The following CNRIP1 variants were observed in gnomAD, a reference collection of about 807,000 sequenced individuals.
CNRIP1 encodes cannabinoid receptor interacting protein 1.
In CNRIP1, 10 loss-of-function variants were observed where a neutral mutation model predicts 15.2. The ratio of observed to expected loss-of-function variants is 0.66; its 90% CI spans 0.41 to 1.12. CNRIP1 has a LOEUF of 1.12. Among genes scored for constraint, CNRIP1 ranks in the 50% most tolerant of loss-of-function variants. The pLI is 0.00. For synonymous variants in CNRIP1, 91 were observed against 83.2 expected, an observed-to-expected ratio of 1.09 and a Z score of -0.51; for missense variants, 211 against 214.7, an observed-to-expected ratio of 0.98 and a Z score of 0.11.
At chr2:68,305,336 ATATT>A (rs1006321652) in intron 2 of CNRIP1, among the ~76,000 whole-genome samples, 2 of 148,360 alleles carry the variant, frequency 1.3e-5, no homozygotes, top group Non-Finnish European at 3.0e-5. Context: ...TATATAATAT[ATATT>A]TAAATATATA....
At chr2:68,307,665 G>A (rs60078350) in intron 2 of CNRIP1, among the ~76,000 whole-genome samples, 2,480 of 152,104 alleles carry the variant, frequency 0.016, 77 homozygotes, top group African/African-American at 0.055. Flanking sequence ...GACTCTTATC[G>A]TGATGTATCA....
intron 2 of CNRIP1, among the ~76,000 whole-genome samples, chr2:68,305,244 C>CAAAAA (rs60243249): frequency 1.7e-4 from 16 of 91,628 alleles, no homozygotes; most frequent in African/African-American, 4.7e-4. Context: ...AACTCCGTCT[C>CAAAAA]AAAAAAAAAA....
chr2:68,305,312 G>A (rs566995742), intron 2 of CNRIP1, among the ~76,000 whole-genome samples: 1,880 of 129,006 alleles, frequency 0.015, 75 homozygotes, highest in African/African-American at 0.051. Flanking sequence ...GTGTGTGTGT[G>A]TACATATAAA....
rs1040033466 is a variant in CNRIP1, at chr2:68,294,102, G to A, written c.331-76C>T. 3.5e-6 allele frequency: 5 copies of A among 1,446,850 alleles called. No individual in the cohort carries two copies. In the African/African-American group the frequency reaches 5.6e-5, roughly 16 times the overall value. 89.6% of individuals were successfully genotyped at this position (1,446,850 alleles called of 1,614,324 possible). A position where few individuals can be genotyped will look rare whatever the true frequency, so the allele number is the denominator to read the frequency against. On this transcript the variant is annotated intron_variant, in intron 2 of 2. Coordinates refer to ENST00000263655, the MANE Select transcript of CNRIP1 (RefSeq NM_015463.3). ...ATAGATGAGAGCTAACATTAGTGATGTAGCTCCTGGATAATCAAGCAGACC... is the reference window on the plus strand; with the variant it reads ...ATAGATGAGAGCTAACATTAGTGATATAGCTCCTGGATAATCAAGCAGACC...
At position 68,319,335 on chromosome 2, in the gene CNRIP1, C is replaced by T. The variant is rs146143980; in HGVS notation, c.66G>A (p.Pro22=). ...IALRIQPNDG[P]VFYKVDGQRF... The stretch of plus-strand genomic sequence containing the variant: ...GCTGCCCGTCCACCTTGTAAAAGAC[C>T]GGGCCGTCATTAGGCTGGATGCGCA... The change falls in exon 1 of 3, where the codon CCG becomes CCA. Residue 22 remains proline (P), a synonymous_variant. Transcript: ENST00000263655. 4.5e-6 allele frequency: 7 copies of T among 1,572,032 alleles called. No individual in the cohort carries two copies. Among genetic ancestry groups the T allele is most frequent in the African/African-American group, 1.3e-5 (1 of 74,106 alleles).
intron 2 of CNRIP1, among the ~76,000 whole-genome samples, chr2:68,304,750 A>G (rs1209757387): frequency 6.6e-6 from 1 of 152,024 alleles, no homozygotes; most frequent in Non-Finnish European, 1.5e-5. Flanking sequence ...CCTCCCAAGT[A>G]GCTGGGACTA....
chr2:68,300,786 GAA>G (rs1671577590), intron 2 of CNRIP1, among the ~76,000 whole-genome samples: 1 of 152,064 alleles, frequency 6.6e-6, no homozygotes, highest in South Asian at 2.1e-4. Context: ...TATTAGGAAT[GAA>G]AAAGAGGACA....
chr2:68,316,104 T>C (rs901043524), intron 2 of CNRIP1: 1 of 152,080 alleles, frequency 6.6e-6, no homozygotes, highest in African/African-American at 2.4e-5. Context: ...TATGTGACTA[T>C]TGTGGTTTTA....
At chr2:68,299,194 T>C (rs1671506478) in intron 2 of CNRIP1, among the ~76,000 whole-genome samples, 1 of 152,214 alleles carries the variant, frequency 6.6e-6, no homozygotes, top group South Asian at 2.1e-4. Flanking sequence ...GAGCTATTTA[T>C]CACTGTACAA....
intron 2 of CNRIP1, among the ~76,000 whole-genome samples, chr2:68,305,577 C>T (rs6730660): frequency 0.4 from 61,074 of 150,886 alleles, 12,808 homozygotes; most frequent in Non-Finnish European, 0.45. Context: ...GGGCAGTTCA[C>T]GAGGTCAGGA....
In CNRIP1 at chr2:68,300,903, T is replaced by C. The variant is rs1671581613; in HGVS notation, c.331-6877A>G. ...AAGACACAAACTATGAGTTGACATC[T>C]ACCTAATGAGGAAATTGAATTTGTA... On this transcript the variant is annotated intron_variant, in intron 2 of 2. Coordinates refer to ENST00000263655, the MANE Select transcript of CNRIP1 (RefSeq NM_015463.3). Among the ~76,000 whole-genome samples the C allele has an allele frequency of 3.3e-5, 5 of 152,328 alleles. No individual in the cohort carries two copies. In the South Asian group the frequency reaches 1.0e-3, roughly 32 times the overall value.
At chr2:68,299,484 A>G (rs143933004) in intron 2 of CNRIP1, among the ~76,000 whole-genome samples, 1 of 152,274 alleles carries the variant, frequency 6.6e-6, no homozygotes, top group East Asian at 1.9e-4. Context: ...CTTCTGCCGT[A>G]TGAGGATACA....
rs565003179 is a variant in CNRIP1, at chr2:68,297,582, A to G, written c.331-3556T>C. ...GACACTGTCTCAAAAAAAAAAAAAAAAAAAAAAAAAAAAAAAAGGAAAAAA... is the reference window on the plus strand; with the variant it reads ...GACACTGTCTCAAAAAAAAAAAAAAGAAAAAAAAAAAAAAAAAGGAAAAAA... On this transcript the variant is annotated intron_variant, in intron 2 of 2. Coordinates refer to ENST00000263655, the MANE Select transcript of CNRIP1 (RefSeq NM_015463.3). Among the ~76,000 whole-genome samples, 23 of 45,192 alleles carry G rather than the reference A, an allele frequency of 5.1e-4. No homozygotes were observed. The East Asian group carries it at 5.6e-3, about 11-fold the overall frequency. 29.6% of individuals were successfully genotyped at this position (45,192 alleles called of 152,430 possible). A position where few individuals can be genotyped will look rare whatever the true frequency, so the allele number is the denominator to read the frequency against.
intron 2 of CNRIP1, among the ~76,000 whole-genome samples, chr2:68,309,616 T>A (rs1671999552): frequency 6.6e-6 from 1 of 152,204 alleles, no homozygotes; most frequent in South Asian, 2.1e-4. Flanking sequence ...AAGGTGCCTA[T>A]CTTATCACAT....
At chr2:68,303,073 T>A (rs368659683) in intron 2 of CNRIP1, among the ~76,000 whole-genome samples, 2 of 148,772 alleles carry the variant, frequency 1.3e-5, no homozygotes, top group Admixed American at 1.4e-4. Context: ...GGTCTCGATC[T>A]CCTGACTTCG....
Position 68,293,542 on chromosome 2 carries a change from G to A in CNRIP1, c.*320C>T. The stretch of plus-strand genomic sequence containing the variant: ...AAACACCAAAGTTAGTCAGTGGAAT[G>A]GTCAAGAGCAGGACAAGCCTGCCAG... On this transcript the variant is annotated 3_prime_UTR_variant, in exon 3 of 3. Coordinates refer to ENST00000263655, the MANE Select transcript of CNRIP1 (RefSeq NM_015463.3). The A allele has an allele frequency of 7.7e-6, 8 of 1,037,894 alleles. No individual in the cohort carries two copies. The highest frequency in any genetic ancestry group is 9.3e-6 in the Non-Finnish European group (8 of 862,190). The allele number at this position is 1,037,894 out of a possible 1,614,324, so 64.3% of individuals were successfully genotyped here.
At chr2:68,317,903 C>T (rs994650824) in intron 1 of CNRIP1, among the ~76,000 whole-genome samples, 4 of 151,636 alleles carry the variant, frequency 2.6e-5, no homozygotes, top group South Asian at 2.1e-4. Context: ...TTGAGAACCA[C>T]AGGATTAGAG....
chr2:68,309,315 A>C (rs1671987670), intron 2 of CNRIP1, among the ~76,000 whole-genome samples: 1 of 152,232 alleles, frequency 6.6e-6, no homozygotes, highest in Non-Finnish European at 1.5e-5. Flanking sequence ...TCACTCAATA[A>C]AACCCCCAAA....
rs868495285 is a variant in CNRIP1 at position 68,305,294 on chromosome 2, G to A, written c.331-11268C>T. Reference sequence around the variant, plus strand: ...TATATATGTGTGTGTGTGTGTGTGTGTGTGTGTGTGTGTGTGTGTACATAT... The same window carrying A: ...TATATATGTGTGTGTGTGTGTGTGTATGTGTGTGTGTGTGTGTGTACATAT... On this transcript the variant is annotated intron_variant, in intron 2 of 2. Coordinates refer to ENST00000263655, the MANE Select transcript of CNRIP1 (RefSeq NM_015463.3). 2.8e-3 allele frequency among the ~76,000 whole-genome samples: 412 copies of A among 146,414 alleles called. 5 individuals carry two copies. The highest frequency in any genetic ancestry group is 0.02 in the South Asian group (95 of 4,686).
Sources: allele counts gnomAD v4.1 joint callset (sites outside exome capture counted in the v4.1 genomes callset), GRCh38; gene constraint gnomAD v4.1.1; transcripts MANE v1.5; gene names NCBI Gene and HGNC (gene_info 2026-07-23, HGNC 2026-07-21).